TBC1D2B: variants seen among roughly 807,000 people sequenced by gnomAD.
TBC1D2B encodes TBC1 domain family member 2B.
In TBC1D2B, 64 loss-of-function variants were observed where a neutral mutation model predicts 100.8. The observed-to-expected ratio is 0.64, with a 90% confidence interval of 0.52 to 0.78. The LOEUF is 0.78. Ranked by LOEUF, TBC1D2B falls within the 30% of genes least tolerant of loss-of-function variation. The pLI is 0.00. For synonymous variants in TBC1D2B, 480 were observed against 479.7 expected, an observed-to-expected ratio of 1.00 and a Z score of -0.01; for missense variants, 1,052 against 1,218.4, an observed-to-expected ratio of 0.86 and a Z score of 2.03.
intron 8 of TBC1D2B, among the ~76,000 whole-genome samples, chr15:78,015,506 G>A (rs777429879): frequency 6.6e-6 from 1 of 152,158 alleles, no homozygotes; most frequent in Non-Finnish European, 1.5e-5. Flanking sequence ...CACACAGCAC[G>A]TTTAGAAGCG....
At chr15:78,023,948 C>A (rs2072583015) in intron 6 of TBC1D2B, among the ~76,000 whole-genome samples, 1 of 152,116 alleles carries the variant, frequency 6.6e-6, no homozygotes, top group Admixed American at 6.5e-5. Flanking sequence ...TGAAACTGTT[C>A]AAAGCAACAG....
intron 1 of TBC1D2B, among the ~76,000 whole-genome samples, chr15:78,056,729 G>C (rs1596327247): frequency 7.2e-6 from 1 of 138,316 alleles, no homozygotes; most frequent in Admixed American, 7.8e-5. Context: ...CAGATGAGGG[G>C]ACAGAGGCCC....
At chr15:78,028,587 T>C (rs1420001633) in intron 4 of TBC1D2B, among the ~76,000 whole-genome samples, 1 of 152,212 alleles carries the variant, frequency 6.6e-6, no homozygotes, top group East Asian at 1.9e-4. Flanking sequence ...CTGATCAATC[T>C]TAATATCAAA....
At chr15:78,036,034 T>A (rs568438103) in intron 3 of TBC1D2B, among the ~76,000 whole-genome samples, 1 of 152,192 alleles carries the variant, frequency 6.6e-6, no homozygotes, top group Non-Finnish European at 1.5e-5. Flanking sequence ...AGATAAGCCA[T>A]GTCTGAGCGA....
At chr15:78,012,556 G>A (rs1378466405) in intron 9 of TBC1D2B, among the ~76,000 whole-genome samples, 1 of 152,160 alleles carries the variant, frequency 6.6e-6, no homozygotes, top group African/African-American at 2.4e-5. Context: ...CGAGTGCGAT[G>A]AGAACAAACA....
At chr15:78,027,005 G>A (rs1196038394) in intron 4 of TBC1D2B, among the ~76,000 whole-genome samples, 1 of 151,684 alleles carries the variant, frequency 6.6e-6, no homozygotes, top group Non-Finnish European at 1.5e-5. Context: ...GATAGCTTAG[G>A]CCTAGAAGTT....
At position 78,025,316 on chromosome 15, in the gene TBC1D2B, C is replaced by T. The variant is rs755683788; in HGVS notation, c.1029G>A (p.Gln343=). The change falls in exon 5 of 13, where the codon CAG becomes CAA. Residue 343 remains glutamine, a synonymous_variant. Coordinates refer to ENST00000300584, the MANE Select transcript of TBC1D2B (RefSeq NM_144572.2). The stretch of plus-strand genomic sequence containing the variant: ...CCAGCTCTTCCTGCTGGCTCTGGAC[C>T]TGCAGTTGCATTTCGGAGGCCGGCT... ...IRKPASEMQL[Q]VQSQQEELEQ... is the part of the protein sequence containing the mutation. The T allele has an allele frequency of 6.2e-7, 1 of 1,613,910 alleles. No homozygotes were observed. The highest frequency in any genetic ancestry group is 1.1e-5 in the South Asian group (1 of 91,070).
intron 7 of TBC1D2B, chr15:78,017,093 C>A: frequency 5.2e-6 from 1 of 190,944 alleles, no homozygotes; most frequent in Non-Finnish European, 1.1e-5. Context: ...GTGGCCACTC[C>A]ATGCTATACC....
At chr15:78,073,861 C>T (rs1183011881) in intron 1 of TBC1D2B, among the ~76,000 whole-genome samples, 2 of 150,912 alleles carry the variant, frequency 1.3e-5, no homozygotes, top group Non-Finnish European at 3.0e-5. Flanking sequence ...TCCCTCAGCT[C>T]GGAAGGCTGA....
intron 8 of TBC1D2B, among the ~76,000 whole-genome samples, chr15:78,014,452 ACTCT>A (rs1429484753): frequency 1.3e-5 from 2 of 152,120 alleles, no homozygotes; most frequent in Non-Finnish European, 2.9e-5. Context: ...CCCTAGAGAA[ACTCT>A]CTCACGTGGG....
At position 77,996,182 on chromosome 15, in the gene TBC1D2B, A is replaced by C. The variant is rs111239562; in HGVS notation, c.*1978T>G. 2.0e-5 allele frequency: 3 copies of C among 152,188 alleles called. No individual in the cohort carries two copies. Among genetic ancestry groups the C allele is most frequent in the South Asian group, 2.1e-4 (1 of 4,816 alleles). 9.4% of individuals were successfully genotyped at this position (152,188 alleles called of 1,614,324 possible). Reference sequence around the variant, plus strand: ...CTGCTGACAACTGCCTGGAAACACTAACATACCACCGTGGGTTGCAGCCAC... The same window carrying C: ...CTGCTGACAACTGCCTGGAAACACTCACATACCACCGTGGGTTGCAGCCAC... On this transcript the variant is annotated 3_prime_UTR_variant, in exon 13 of 13. Coordinates refer to ENST00000300584, the MANE Select transcript of TBC1D2B (RefSeq NM_144572.2).
In TBC1D2B at chr15:78,024,188, C is replaced by A. The variant is rs2072591359; in HGVS notation, c.1438G>T (p.Ala480Ser). Residue 480 changes from alanine (A) to serine (S), a missense_variant, in exon 6 of 13, where the codon GCC becomes TCC. Coordinates refer to ENST00000300584, the MANE Select transcript of TBC1D2B (RefSeq NM_144572.2). Reference sequence around the variant, plus strand: ...CTGTCCAGTTCCAGCTGGTCCCTGGCAACAGGCACAACCGAAGGGGAGCTG... The same window carrying A: ...CTGTCCAGTTCCAGCTGGTCCCTGGAAACAGGCACAACCGAAGGGGAGCTG... ...APSSPSVVPVARDQLELDRLK... is the reference protein window; with the variant it reads ...APSSPSVVPVSRDQLELDRLK... 2 of 1,613,314 alleles carry A rather than the reference C, an allele frequency of 1.2e-6. No individual in the cohort carries two copies. Among genetic ancestry groups the A allele is most frequent in the Non-Finnish European group, 1.7e-6 (2 of 1,179,780 alleles).
At chr15:78,068,488 G>A (rs1398340806) in intron 1 of TBC1D2B, among the ~76,000 whole-genome samples, 1 of 151,948 alleles carries the variant, frequency 6.6e-6, no homozygotes, top group Non-Finnish European at 1.5e-5. Flanking sequence ...GATCCTCTAA[G>A]TATGAAAGGC....
intron 1 of TBC1D2B, among the ~76,000 whole-genome samples, chr15:78,074,906 C>T (rs2073804497): frequency 6.6e-6 from 1 of 152,132 alleles, no homozygotes; most frequent in East Asian, 1.9e-4. Flanking sequence ...CATATTTGGC[C>T]AAAGACACTG....
chr15:78,052,520 T>C (rs999697859), intron 2 of TBC1D2B, among the ~76,000 whole-genome samples: 2 of 152,210 alleles, frequency 1.3e-5, no homozygotes, highest in African/African-American at 2.4e-5. Flanking sequence ...GAAACAAATA[T>C]GGGCTTCAGA....
intron 3 of TBC1D2B, chr15:78,034,707 C>T: frequency 1.0e-6 from 1 of 985,442 alleles, no homozygotes; most frequent in Non-Finnish European, 1.2e-6. Flanking sequence ...TGAGGGACAG[C>T]CTTGCTGGAG....
chr15:78,034,736 A>G (rs2072906553), intron 3 of TBC1D2B: 3 of 985,318 alleles, frequency 3.0e-6, no homozygotes, highest in African/African-American at 3.5e-5. Context: ...CTACTTGTCA[A>G]GTCCTGGATA....
chr15:78,027,234 G>A (rs2072694404), intron 4 of TBC1D2B, among the ~76,000 whole-genome samples: 1 of 152,142 alleles, frequency 6.6e-6, no homozygotes, highest in African/African-American at 2.4e-5. Flanking sequence ...CCCTGGGGCG[G>A]GGTAGTGACT....
chr15:78,073,578 C>T (rs1227094493), intron 1 of TBC1D2B, among the ~76,000 whole-genome samples: 3 of 152,072 alleles, frequency 2.0e-5, no homozygotes, highest in South Asian at 2.1e-4. Context: ...ATTTGAAAGA[C>T]GAAAAGGAAG....
Sources: gnomAD v4.1 joint callset for allele counts (sites outside exome capture counted in the v4.1 genomes callset) on GRCh38, gnomAD v4.1.1 for gene constraint, MANE v1.5 for transcripts, NCBI Gene and HGNC (gene_info 2026-07-23, HGNC 2026-07-21) for gene names.